SUMO2: variants seen among roughly 807,000 people sequenced by gnomAD.
The protein encoded by SUMO2 is small ubiquitin-related modifier 2.
In SUMO2, 1 loss-of-function variant was observed where a neutral mutation model predicts 16.0. The observed-to-expected ratio is 0.06, with a 90% CI of 0.02 to 0.30. SUMO2 has a LOEUF of 0.30. SUMO2 is among the 10% of genes least tolerant of loss of function. SUMO2 has a pLI of 1.00. For synonymous variants in SUMO2, 36 were observed against 40.6 expected, an observed-to-expected ratio of 0.89 and a Z score of 0.43; for missense variants, 16 against 117.5, an observed-to-expected ratio of 0.14 and a Z score of 3.99.
In SUMO2 at chr17:75,171,811, T is replaced by C. The variant is rs1044107333; in HGVS notation, c.225+2941A>G. Among the ~76,000 whole-genome samples the C allele has an allele frequency of 3.9e-5, 6 of 152,086 alleles. No individual in the cohort carries two copies. In the East Asian group the frequency reaches 1.2e-3, roughly 29 times the overall value. On this transcript the variant is annotated intron_variant, in intron 3 of 3. Transcript: ENST00000420826. ...AAGACAGGAAATACATTCTAATAAC[T>C]GAGAGTACAGCACAATAGATACTTT...
At chr17:75,180,105 C>T (rs1049941092) in intron 2 of SUMO2, among the ~76,000 whole-genome samples, 3 of 151,886 alleles carry the variant, frequency 2.0e-5, no homozygotes, top group Admixed American at 1.3e-4. Context: ...CTCTGAGAGG[C>T]CAAGGTGGGC....
chr17:75,181,565 C>T (rs1219013795), intron 1 of SUMO2, among the ~76,000 whole-genome samples: 1 of 152,178 alleles, frequency 6.6e-6, no homozygotes, highest in Admixed American at 6.6e-5. Flanking sequence ...TTTCTAAGCA[C>T]TTTAAGTACA....
intron 2 of SUMO2, among the ~76,000 whole-genome samples, chr17:75,177,608 G>A (rs2074792382): frequency 6.6e-6 from 1 of 151,888 alleles, no homozygotes; most frequent in Non-Finnish European, 1.5e-5. Context: ...CTGGAACCTG[G>A]GAGGCGGAGG....
At position 75,175,833 on chromosome 17, in the gene SUMO2, A is replaced by G. The variant is rs536533651; in HGVS notation, c.154-1010T>C. On this transcript the variant is annotated intron_variant, in intron 2 of 3. Coordinates refer to ENST00000420826, the MANE Select transcript of SUMO2 (RefSeq NM_006937.4). ...TTTTTAGTAGAGACAGGGTTTCACC[A>G]TGTTGGCCAGACTGATCTCGAACTC... Among the ~76,000 whole-genome samples the G allele has an allele frequency of 7.3e-4, 111 of 151,796 alleles. 1 individual carries two copies. The highest frequency in any genetic ancestry group is 2.4e-3 in the African/African-American group (100 of 41,392).
rs1309269758 is a variant in SUMO2, at chr17:75,167,669, A to G, written c.*670T>C. 1.3e-5 allele frequency: 2 copies of G among 152,470 alleles called. No individual in the cohort carries two copies. The highest frequency in any genetic ancestry group is 1.5e-5 in the Non-Finnish European group (1 of 68,016). The allele number at this position is 152,470 out of a possible 1,614,324, so 9.4% of individuals were successfully genotyped here. A position where few individuals can be genotyped will look rare whatever the true frequency, so the allele number is the denominator to read the frequency against. On this transcript the variant is annotated 3_prime_UTR_variant, in exon 4 of 4. Transcript: ENST00000420826. ...TGAAATGTTACTTCTAAGCAGGCCT[A>G]TTTATGTTTTTTCTAAGCCTCAATT...
At chr17:75,174,158 G>A (rs993143905) in intron 3 of SUMO2, among the ~76,000 whole-genome samples, 1 of 152,232 alleles carries the variant, frequency 6.6e-6, no homozygotes, top group Non-Finnish European at 1.5e-5. Context: ...GGGAGGCCAA[G>A]GCGGGCGGAT....
intron 3 of SUMO2, among the ~76,000 whole-genome samples, chr17:75,172,077 G>A (rs1452349588): frequency 1.3e-5 from 2 of 148,500 alleles, no homozygotes; most frequent in Non-Finnish European, 1.5e-5. Context: ...CATGACCTCC[G>A]CGCTCACTGC....
At chr17:75,182,584 G>C (rs2074837961) in intron 1 of SUMO2, 1 of 302,698 alleles carries the variant, frequency 3.3e-6, no homozygotes. Flanking sequence ...CGCCCGGCGC[G>C]CACTCGGAGG....
At chr17:75,180,590 C>G (rs1048549153) in intron 2 of SUMO2, among the ~76,000 whole-genome samples, 2 of 151,458 alleles carry the variant, frequency 1.3e-5, no homozygotes, top group Admixed American at 6.6e-5. Flanking sequence ...TGGTAGTGGG[C>G]ACCTGTAATC....
intron 2 of SUMO2, among the ~76,000 whole-genome samples, chr17:75,175,652 A>G (rs1309555968): frequency 1.3e-5 from 2 of 151,058 alleles, no homozygotes; most frequent in African/African-American, 4.9e-5. Flanking sequence ...TTGTTTGTTA[A>G]GACAGAGTTT....
At chr17:75,171,655 A>G (rs1187843571) in intron 3 of SUMO2, among the ~76,000 whole-genome samples, 1 of 152,194 alleles carries the variant, frequency 6.6e-6, no homozygotes, top group Non-Finnish European at 1.5e-5. Context: ...ATGAAGTAAA[A>G]TGAATTGCAA....
intron 1 of SUMO2, chr17:75,182,451 G>C (rs1303886418): frequency 4.6e-5 from 8 of 173,028 alleles, no homozygotes; most frequent in Non-Finnish European, 9.7e-5. Context: ...ACGCGGGGTC[G>C]ACAGAAGGTG....
At chr17:75,182,704 G>C (rs988877642) in intron 1 of SUMO2, 110 bp downstream of exon 1, 1 of 990,942 alleles carries the variant, frequency 1.0e-6, no homozygotes, top group Non-Finnish European at 1.3e-6. Flanking sequence ...GGCCGGCCCC[G>C]TGGGGGGCCC....
In SUMO2 at chr17:75,180,407, A is replaced by C. The variant is rs999260587; in HGVS notation, c.153+650T>G. On this transcript the variant is annotated intron_variant, in intron 2 of 3. Coordinates refer to ENST00000420826, the MANE Select transcript of SUMO2 (RefSeq NM_006937.4). ...ACTCCCAGCTTAAAAAAAAAAAAAA[A>C]AAAAAAAAAAAAAACGACTTCTTGG... Among the ~76,000 whole-genome samples the C allele has an allele frequency of 1.6e-4, 23 of 145,250 alleles. 1 individual carries two copies. Among genetic ancestry groups the C allele is most frequent in the South Asian group, 4.4e-4 (2 of 4,560 alleles).
At chr17:75,180,392 TAAAAAAAAAAAAAAAAA>T (rs58684188) in intron 2 of SUMO2, among the ~76,000 whole-genome samples, 1 of 44,862 alleles carries the variant, frequency 2.2e-5, no homozygotes, top group Non-Finnish European at 3.9e-5. Flanking sequence ...ACTCCCAGCT[TAAAAAAAAAAAAAAAAA>T]AAAAAAAAAA....
intron 2 of SUMO2, among the ~76,000 whole-genome samples, chr17:75,178,778 A>G (rs2074804352): frequency 6.6e-6 from 1 of 151,854 alleles, no homozygotes; most frequent in Non-Finnish European, 1.5e-5. Context: ...GCAGTGGCTC[A>G]TGCCTGTAAA....
chr17:75,181,985 G>A (rs2074832615), intron 1 of SUMO2, among the ~76,000 whole-genome samples: 1 of 152,088 alleles, frequency 6.6e-6, no homozygotes, highest in Non-Finnish European at 1.5e-5. Flanking sequence ...GGCGGGGGGT[G>A]CCACCAAACT....
intron 2 of SUMO2, among the ~76,000 whole-genome samples, chr17:75,177,135 C>T (rs1256795974): frequency 5.4e-5 from 8 of 148,542 alleles, no homozygotes; most frequent in Non-Finnish European, 1.2e-4. Context: ...TGCAATGAGC[C>T]GAGATCGTGC....
rs529723395 is a variant in SUMO2 at position 75,165,640 on chromosome 17, T to C, written c.*2699A>G. The C allele has an allele frequency of 6.6e-6, 1 of 151,550 alleles. No homozygotes were observed. The highest frequency in any genetic ancestry group is 2.1e-4 in the South Asian group (1 of 4,754). 9.4% of individuals were successfully genotyped at this position (151,550 alleles called of 1,614,324 possible). On this transcript the variant is annotated 3_prime_UTR_variant, in exon 4 of 4. Transcript: ENST00000420826. ...TGACAATCAGTATGGACAAAAACAATCAACAAGCATTAGGATACTATCTCT... is the reference window on the plus strand; with the variant it reads ...TGACAATCAGTATGGACAAAAACAACCAACAAGCATTAGGATACTATCTCT...
Sources: gnomAD v4.1 joint callset for allele counts (sites outside exome capture counted in the v4.1 genomes callset) on GRCh38, gnomAD v4.1.1 for gene constraint, MANE v1.5 for transcripts, NCBI Gene and HGNC (gene_info 2026-07-23, HGNC 2026-07-21) for gene names.